DCC: variants seen among roughly 807,000 people sequenced by gnomAD.
DCC encodes the protein DCC netrin 1 receptor, also known as netrin receptor DCC.
A neutral mutation model predicts 172.5 loss-of-function variants in DCC; 58 were observed. The observed-to-expected ratio is 0.34, with a 90% CI of 0.27 to 0.42. The LOEUF (loss-of-function observed/expected upper bound fraction) is 0.42. DCC is among the 10% of genes least tolerant of loss of function. The pLI is 1.00. For synonymous variants in DCC, 709 were observed against 644.5 expected, an observed-to-expected ratio of 1.10 and a Z score of -1.52; for missense variants, 1,740 against 1,791.0, an observed-to-expected ratio of 0.97 and a Z score of 0.51.
At chr18:53,208,126 T>C (rs1263217821) in intron 11 of DCC, among the ~76,000 whole-genome samples, 4 of 147,866 alleles carry the variant, frequency 2.7e-5, no homozygotes, top group Admixed American at 6.8e-5. Context: ...TTTTTTTTAA[T>C]TAACTGGATA....
At chr18:52,637,732 G>A (rs1029072544) in intron 1 of DCC, among the ~76,000 whole-genome samples, 1 of 152,174 alleles carries the variant, frequency 6.6e-6, no homozygotes, top group Non-Finnish European at 1.5e-5. Flanking sequence ...TAAAAGCTTG[G>A]AAAACATATT....
At chr18:53,285,301 C>T (rs187619080) in intron 12 of DCC, among the ~76,000 whole-genome samples, 1 of 152,142 alleles carries the variant, frequency 6.6e-6, no homozygotes, top group African/African-American at 2.4e-5. Flanking sequence ...GTGGGCTGGG[C>T]TCAGGGTCCC....
chr18:52,578,297 C>T (rs942555975), intron 1 of DCC, among the ~76,000 whole-genome samples: 17 of 152,198 alleles, frequency 1.1e-4, no homozygotes, highest in African/African-American at 3.9e-4. Flanking sequence ...TGAATTCAAA[C>T]TTGGAGTCAG....
intron 1 of DCC, among the ~76,000 whole-genome samples, chr18:52,564,089 G>A (rs977783019): frequency 6.6e-6 from 1 of 152,042 alleles, no homozygotes; most frequent in Non-Finnish European, 1.5e-5. Flanking sequence ...TGTTTCTTGT[G>A]ACCTGCTTTA....
intron 7 of DCC, among the ~76,000 whole-genome samples, chr18:53,129,622 G>T (rs1458347881): frequency 2.6e-5 from 4 of 152,076 alleles, no homozygotes; most frequent in South Asian, 2.1e-4. Flanking sequence ...TACACTAAAA[G>T]GTTTGAGGTT....
chr18:52,732,862 A>C (rs1359416649), intron 1 of DCC, among the ~76,000 whole-genome samples: 3 of 152,172 alleles, frequency 2.0e-5, no homozygotes, highest in African/African-American at 7.2e-5. Context: ...TGAAAGAAAA[A>C]GTTCAAAAAT....
At chr18:53,170,945 G>A (rs74721936) in intron 8 of DCC, among the ~76,000 whole-genome samples, 2,522 of 152,206 alleles carry the variant, frequency 0.017, 82 homozygotes, top group African/African-American at 0.058. Flanking sequence ...GAGTGTAATG[G>A]CATGATCTCA....
intron 1 of DCC, among the ~76,000 whole-genome samples, chr18:52,649,973 A>ATTTT (rs71175512): frequency 3.6e-4 from 39 of 106,882 alleles, no homozygotes; most frequent in African/African-American, 7.7e-4. Context: ...TGATAGTTCT[A>ATTTT]TTTTTTTTTT....
chr18:52,737,343 A>G (rs1244756367), intron 1 of DCC, among the ~76,000 whole-genome samples: 1 of 152,162 alleles, frequency 6.6e-6, no homozygotes, highest in East Asian at 1.9e-4. Context: ...TTACCCAGAC[A>G]TCTTTTTAAA....
chr18:52,944,233 C>G (rs945754876), intron 5 of DCC, among the ~76,000 whole-genome samples: 2 of 152,138 alleles, frequency 1.3e-5, no homozygotes, highest in African/African-American at 2.4e-5. Context: ...CCATGTTTGC[C>G]TATTACGATG....
chr18:53,303,525 T>G (rs1451881412), intron 12 of DCC, among the ~76,000 whole-genome samples: 1 of 152,224 alleles, frequency 6.6e-6, no homozygotes, highest in African/African-American at 2.4e-5. Context: ...AAACTACAAA[T>G]TTTAGCACTT....
At chr18:52,780,466 T>C (rs1369328888) in intron 2 of DCC, among the ~76,000 whole-genome samples, 3 of 152,132 alleles carry the variant, frequency 2.0e-5, no homozygotes, top group Non-Finnish European at 4.4e-5. Context: ...CTTCTATTAA[T>C]AAAAGATAAT....
chr18:52,809,095 T>G (rs1048194185), intron 2 of DCC, among the ~76,000 whole-genome samples: 23 of 152,282 alleles, frequency 1.5e-4, no homozygotes, highest in Non-Finnish European at 2.6e-4. Flanking sequence ...CCCTCATATC[T>G]TACAGGTTTG....
At chr18:52,978,868 A>G (rs890785102) in intron 5 of DCC, among the ~76,000 whole-genome samples, 1 of 152,168 alleles carries the variant, frequency 6.6e-6, no homozygotes, top group Admixed American at 6.5e-5. Context: ...TTCCAGCTCT[A>G]TGCAATTTGC....
intron 26 of DCC, among the ~76,000 whole-genome samples, chr18:53,498,708 G>T (rs577606165): frequency 6.6e-6 from 1 of 152,104 alleles, no homozygotes; most frequent in Admixed American, 6.5e-5. Context: ...TTGCAATTCC[G>T]CATTCAGGCA....
intron 8 of DCC, among the ~76,000 whole-genome samples, chr18:53,175,348 A>C (rs2055075055): frequency 6.6e-6 from 1 of 152,066 alleles, no homozygotes. Context: ...AGGAGAAGGA[A>C]ATAAAAGGTA....
intron 14 of DCC, among the ~76,000 whole-genome samples, chr18:53,328,285 G>A (rs888964803): frequency 6.6e-6 from 1 of 152,108 alleles, no homozygotes; most frequent in Non-Finnish European, 1.5e-5. Context: ...GGATCAGGTG[G>A]GTTTTGCAGT....
intron 1 of DCC, among the ~76,000 whole-genome samples, chr18:52,642,110 A>G: frequency 6.7e-6 from 1 of 148,360 alleles, no homozygotes; most frequent in South Asian, 2.2e-4. Context: ...ACACACACAT[A>G]CACACATATA....
intron 1 of DCC, among the ~76,000 whole-genome samples, chr18:52,601,144 G>T (rs1243325747): frequency 6.6e-6 from 1 of 152,056 alleles, no homozygotes; most frequent in Non-Finnish European, 1.5e-5. Flanking sequence ...TAGACATCTG[G>T]CTGTATTAAT....
Sources: gnomAD v4.1 joint callset for allele counts (sites outside exome capture counted in the v4.1 genomes callset) on GRCh38, gnomAD v4.1.1 for gene constraint, MANE v1.5 for transcripts, NCBI Gene and HGNC (gene_info 2026-07-23, HGNC 2026-07-21) for gene names.